Variants in ELMO1 observed in about 807,000 individuals in gnomAD.
The protein encoded by ELMO1 is engulfment and cell motility protein 1.
Under a neutral mutation model 98.9 loss-of-function variants are expected in ELMO1, and 26 were observed. That is an observed-to-expected ratio of 0.26 (90% CI 0.19 to 0.36). The LOEUF is 0.36. Among genes scored for constraint, ELMO1 ranks in the 10% least tolerant of loss-of-function variants. ELMO1 has a pLI of 1.00. For synonymous variants in ELMO1, 346 were observed against 346.0 expected (o/e 1.00, Z 0.00); for missense variants, 627 against 935.2 (o/e 0.67, Z 4.30).
chr7:37,231,460 A>T (rs1794172500), intron 8 of ELMO1, among the ~76,000 whole-genome samples: 1 of 152,216 alleles, frequency 6.6e-6, no homozygotes, highest in Non-Finnish European at 1.5e-5. Context: ...TGCACTGAGG[A>T]TGTGCCATAA....
chr7:37,109,189 G>A (rs202232919), intron 14 of ELMO1, among the ~76,000 whole-genome samples: 7 of 152,168 alleles, frequency 4.6e-5, no homozygotes, highest in East Asian at 3.9e-4. Context: ...GGGACAATGC[G>A]GCCACGTGGA....
intron 1 of ELMO1, among the ~76,000 whole-genome samples, chr7:37,422,873 G>C (rs751047698): frequency 3.3e-5 from 5 of 152,194 alleles, no homozygotes; most frequent in Non-Finnish European, 7.3e-5. Context: ...TTTCTACCTA[G>C]AGTTCATAAC....
Position 37,408,702 on chromosome 7 carries a change from A to G in ELMO1, c.-74+39973T>C, listed in dbSNP as rs745879333. Among the ~76,000 whole-genome samples, 47 of 152,206 alleles carry G rather than the reference A, an allele frequency of 3.1e-4. 1 individual carries two copies. Among genetic ancestry groups the G allele is most frequent in the Non-Finnish European group, 6.2e-4 (42 of 68,036 alleles). On this transcript the variant is annotated intron_variant, in intron 1 of 21. Transcript: ENST00000310758. ...ATGGTTATACTTCTAGGGATTATTT[A>G]AAGTAGTCAACCTCTTAGAAACATA... is the stretch of plus-strand genomic sequence containing the variant.
intron 15 of ELMO1, among the ~76,000 whole-genome samples, chr7:37,065,843 T>G (rs990627680): frequency 1.3e-5 from 2 of 152,096 alleles, no homozygotes; most frequent in African/African-American, 4.8e-5. Context: ...ATCTGAAAAG[T>G]TATGTCTGTG....
chr7:37,182,197 T>A (rs1030109073), intron 13 of ELMO1, among the ~76,000 whole-genome samples: 4 of 152,086 alleles, frequency 2.6e-5, no homozygotes, highest in Non-Finnish European at 4.4e-5. Flanking sequence ...CATGAGGTAA[T>A]CAGCTCAGCA....
At chr7:37,114,109 G>A (rs1785414968) in intron 14 of ELMO1, among the ~76,000 whole-genome samples, 2 of 152,360 alleles carry the variant, frequency 1.3e-5, no homozygotes, top group African/African-American at 4.8e-5. Context: ...CAAAAGTGCT[G>A]AACGTTTTTA....
chr7:37,047,239 GC>G (rs1408557628), intron 15 of ELMO1, among the ~76,000 whole-genome samples: 2 of 152,174 alleles, frequency 1.3e-5, no homozygotes, highest in African/African-American at 4.8e-5. Context: ...CATTTTATAG[GC>G]CAATTTAACA....
At chr7:37,281,247 G>C (rs115627366) in intron 4 of ELMO1, among the ~76,000 whole-genome samples, 7,320 of 150,914 alleles carry the variant, frequency 0.049, 238 homozygotes, top group Middle Eastern at 0.072. Flanking sequence ...CGGGAGGGGG[G>C]TGAGGGATAA....
chr7:37,371,527 G>T (rs1425173223), intron 1 of ELMO1, among the ~76,000 whole-genome samples: 1 of 151,952 alleles, frequency 6.6e-6, no homozygotes, highest in Non-Finnish European at 1.5e-5. Context: ...CTTAAGCACA[G>T]TAACAAAATG....
chr7:37,059,977 T>TGGA (rs1477517686), intron 15 of ELMO1, among the ~76,000 whole-genome samples: 5 of 152,214 alleles, frequency 3.3e-5, no homozygotes, highest in African/African-American at 1.2e-4. Flanking sequence ...AGGAAGAGGA[T>TGGA]GGAAACAAGA....
At chr7:36,969,210 A>C (rs1789706241) in intron 16 of ELMO1, among the ~76,000 whole-genome samples, 1 of 152,062 alleles carries the variant, frequency 6.6e-6, no homozygotes, top group African/African-American at 2.4e-5. Context: ...TACAGTTACC[A>C]TGTAAAGACA....
intron 13 of ELMO1, among the ~76,000 whole-genome samples, chr7:37,165,769 G>A (rs923175912): frequency 6.6e-6 from 1 of 152,130 alleles, no homozygotes; most frequent in Non-Finnish European, 1.5e-5. Context: ...TTGCATCAAT[G>A]TTCATCAAGG....
At chr7:37,137,665 T>A (rs2129304635) in intron 13 of ELMO1, among the ~76,000 whole-genome samples, 1 of 152,102 alleles carries the variant, frequency 6.6e-6, no homozygotes, top group South Asian at 2.1e-4. Context: ...GCCTCCCGAG[T>A]AGCTGGGAAT....
intron 13 of ELMO1, among the ~76,000 whole-genome samples, chr7:37,210,900 A>G (rs1013447749): frequency 6.6e-6 from 1 of 152,232 alleles, no homozygotes; most frequent in African/African-American, 2.4e-5. Flanking sequence ...CTAGGAGACA[A>G]CCTATTAGCA....
intron 8 of ELMO1, among the ~76,000 whole-genome samples, 193 bp downstream of exon 8, chr7:37,232,902 T>C (rs769983211): frequency 3.3e-5 from 5 of 152,350 alleles, no homozygotes; most frequent in Non-Finnish European, 7.3e-5. Flanking sequence ...CAATCCCTTA[T>C]AATCTCTTAC....
In ELMO1 at chr7:36,870,349, G is replaced by A. The variant is rs184283453; in HGVS notation, c.1905+44C>T. 1,935 of 1,591,052 alleles carry A rather than the reference G, an allele frequency of 1.2e-3. 1 individual carries two copies. Among genetic ancestry groups the A allele is most frequent in the Non-Finnish European group, 1.5e-3 (1,759 of 1,159,932 alleles). Reference sequence around the variant, plus strand: ...GCTAGGCTGGCTGCAGTTGCCGACCGCACTGGGCAAATAGAGCTATTTGCA... The same window carrying A: ...GCTAGGCTGGCTGCAGTTGCCGACCACACTGGGCAAATAGAGCTATTTGCA... On this transcript the variant is annotated intron_variant, in intron 20 of 21. Coordinates refer to ENST00000310758, the MANE Select transcript of ELMO1 (RefSeq NM_014800.11). The surrounding 1 kb of genome is among the most constrained non-coding windows in gnomAD (Gnocchi z 4.4).
intron 1 of ELMO1, among the ~76,000 whole-genome samples, chr7:37,374,399 A>C (rs1360298613): frequency 6.6e-6 from 1 of 152,200 alleles, no homozygotes; most frequent in African/African-American, 2.4e-5. Flanking sequence ...TATATATGCT[A>C]TAACCAATGC....
chr7:36,911,080 G>A (rs1756458012), intron 16 of ELMO1, among the ~76,000 whole-genome samples: 1 of 152,182 alleles, frequency 6.6e-6, no homozygotes, highest in Admixed American at 6.5e-5. Flanking sequence ...AGAGAAAGGT[G>A]TTCTCTGCCA....
chr7:37,392,966 A>C (rs550084140), intron 1 of ELMO1, among the ~76,000 whole-genome samples: 1 of 152,278 alleles, frequency 6.6e-6, no homozygotes, highest in South Asian at 2.1e-4. Flanking sequence ...GAAAGGATGC[A>C]GGTTTTCTCT....
Sources: gnomAD v4.1 joint callset for allele counts (sites outside exome capture counted in the v4.1 genomes callset) on GRCh38, gnomAD v4.1.1 for gene constraint, Gnocchi (gnomAD v3.1) non-coding constraint, MANE v1.5 for transcripts, NCBI Gene and HGNC (gene_info 2026-07-23, HGNC 2026-07-21) for gene names.